The following CSGALNACT1 variants were observed in gnomAD, a reference collection of about 807,000 sequenced individuals.
The protein encoded by CSGALNACT1 is beta4GalNAcT-1.
A neutral mutation model predicts 51.0 loss-of-function variants in CSGALNACT1; 52 were observed. That is an observed-to-expected ratio of 1.02 (90% CI 0.82 to 1.29). The LOEUF is 1.29. Ranked by LOEUF, CSGALNACT1 falls within the 50% of genes most tolerant of loss-of-function variation. The pLI is 0.00. For missense variants in CSGALNACT1, 935 were observed against 679.2 expected (o/e 1.38, Z -4.19); for synonymous variants, 341 against 254.4 (o/e 1.34, Z -3.24).
chr8:19,482,048 T>A (rs2071539305), intron 4 of CSGALNACT1, among the ~76,000 whole-genome samples: 1 of 152,102 alleles, frequency 6.6e-6, no homozygotes, highest in South Asian at 2.1e-4. Context: ...ATCAAATCGC[T>A]CATGACTCCG....
chr8:19,418,236 G>C (rs184784890), intron 8 of CSGALNACT1, among the ~76,000 whole-genome samples: 1 of 152,290 alleles, frequency 6.6e-6, no homozygotes, highest in African/African-American at 2.4e-5. Context: ...TTATTTGCCT[G>C]CAAGGTCCAG....
At chr8:19,638,133 A>T (rs2154174604) in intron 1 of CSGALNACT1, among the ~76,000 whole-genome samples, 1 of 145,076 alleles carries the variant, frequency 6.9e-6, no homozygotes, top group East Asian at 1.9e-4. Flanking sequence ...TAGGAGACTC[A>T]TTTCTAGCTT....
At chr8:19,557,321 T>C (rs1052881241) in intron 3 of CSGALNACT1, among the ~76,000 whole-genome samples, 2 of 152,178 alleles carry the variant, frequency 1.3e-5, no homozygotes, top group East Asian at 3.9e-4. Context: ...TTTTCTATAT[T>C]TGTCTCTCTT....
intron 1 of CSGALNACT1, among the ~76,000 whole-genome samples, chr8:19,745,097 A>G (rs2064568152): frequency 6.6e-6 from 1 of 152,240 alleles, no homozygotes. Context: ...TCTGACCCGA[A>G]GTATTCCATC....
At chr8:19,623,783 AG>A (rs1392435238) in intron 1 of CSGALNACT1, among the ~76,000 whole-genome samples, 11 of 152,360 alleles carry the variant, frequency 7.2e-5, no homozygotes, top group Non-Finnish European at 4.4e-5. Flanking sequence ...ATCCTTTCGG[AG>A]GGGAAATCTC....
intron 6 of CSGALNACT1, among the ~76,000 whole-genome samples, chr8:19,427,408 G>A (rs2058934178): frequency 6.6e-6 from 1 of 152,206 alleles, no homozygotes; most frequent in African/African-American, 2.4e-5. Flanking sequence ...GCTTCAGCGG[G>A]CACCAAACAA....
At chr8:19,501,763 C>G (rs1730527459) in intron 4 of CSGALNACT1, among the ~76,000 whole-genome samples, 1 of 152,212 alleles carries the variant, frequency 6.6e-6, no homozygotes, top group African/African-American at 2.4e-5. Flanking sequence ...ATATGTGCCA[C>G]TTAGATCTCA....
chr8:19,605,648 G>A (rs1051524121), upstream of CSGALNACT1, among the ~76,000 whole-genome samples: 4 of 152,014 alleles, frequency 2.6e-5, no homozygotes, highest in Admixed American at 1.3e-4. Flanking sequence ...GCGTGAGAGC[G>A]GCTGAGAAAC....
chr8:19,753,523 T>C (rs1275318352), intron 1 of CSGALNACT1, among the ~76,000 whole-genome samples: 1 of 152,190 alleles, frequency 6.6e-6, no homozygotes, highest in Non-Finnish European at 1.5e-5. Context: ...TAGTTTTTGT[T>C]GTGGTTTCGT....
chr8:19,619,461 A>C (rs2053537701), intron 1 of CSGALNACT1, among the ~76,000 whole-genome samples: 1 of 152,038 alleles, frequency 6.6e-6, no homozygotes, highest in Admixed American at 6.5e-5. Context: ...ACATAGTTTT[A>C]AATGCTCATT....
rs376334219 is a variant in CSGALNACT1 at position 19,473,624 on chromosome 8, G to C, written c.635-14982C>G. Among the ~76,000 whole-genome samples the C allele has an allele frequency of 1.3e-3, 198 of 152,288 alleles. 1 individual carries two copies. Among genetic ancestry groups the C allele is most frequent in the African/African-American group, 4.6e-3 (190 of 41,548 alleles). Reference sequence around the variant, plus strand: ...TCCTAGTCTTAAAAATTAGACCACAGTATCTGTTCAAAGCCTCAACATCAA... The same window carrying C: ...TCCTAGTCTTAAAAATTAGACCACACTATCTGTTCAAAGCCTCAACATCAA... On this transcript the variant is annotated intron_variant, in intron 4 of 9. Transcript: ENST00000454498.
chr8:19,625,314 T>C (rs2054307913), intron 1 of CSGALNACT1, among the ~76,000 whole-genome samples: 1 of 152,242 alleles, frequency 6.6e-6, no homozygotes, highest in African/African-American at 2.4e-5. Flanking sequence ...CCAAGTTTAA[T>C]GCTACAAACT....
At chr8:19,518,434 CATA>C (rs150880771) in intron 3 of CSGALNACT1, among the ~76,000 whole-genome samples, 2,101 of 152,230 alleles carry the variant, frequency 0.014, 46 homozygotes, top group African/African-American at 0.049. Context: ...AAGCTATTTG[CATA>C]ATAATATTAG....
intron 1 of CSGALNACT1, among the ~76,000 whole-genome samples, chr8:19,628,503 G>A (rs7814953): frequency 3.3e-5 from 5 of 152,186 alleles, no homozygotes; most frequent in South Asian, 2.1e-4. Context: ...GAGCCAAACC[G>A]TATCAACAGT....
intron 1 of CSGALNACT1, among the ~76,000 whole-genome samples, chr8:19,633,774 T>C (rs149232868): frequency 1.6e-4 from 25 of 152,358 alleles, no homozygotes; most frequent in African/African-American, 6.0e-4. Context: ...TAGTGATTTG[T>C]TATAGCAACC....
intron 3 of CSGALNACT1, among the ~76,000 whole-genome samples, chr8:19,590,040 A>C (rs1166661750): frequency 6.6e-6 from 1 of 152,216 alleles, no homozygotes; most frequent in Non-Finnish European, 1.5e-5. Flanking sequence ...TAAATGAAAG[A>C]AAGAATTGTC....
chr8:19,671,770 C>G (rs1423635535), intron 1 of CSGALNACT1, among the ~76,000 whole-genome samples: 1 of 152,138 alleles, frequency 6.6e-6, no homozygotes, highest in African/African-American at 2.4e-5. Flanking sequence ...GGGGAGTCAA[C>G]TTGCTCTAAA....
At chr8:19,705,788 A>G (rs1589614038) in intron 1 of CSGALNACT1, among the ~76,000 whole-genome samples, 1 of 152,176 alleles carries the variant, frequency 6.6e-6, no homozygotes, top group East Asian at 1.9e-4. Flanking sequence ...AAAATTGTAC[A>G]TGACATATTA....
chr8:19,570,696 T>G (rs2042838430), intron 3 of CSGALNACT1, among the ~76,000 whole-genome samples: 1 of 152,110 alleles, frequency 6.6e-6, no homozygotes, highest in South Asian at 2.1e-4. Context: ...GGGTAGGAGT[T>G]CGAGACCAGC....
Sources: allele counts gnomAD v4.1 joint callset (sites outside exome capture counted in the v4.1 genomes callset), GRCh38; gene constraint gnomAD v4.1.1; transcripts MANE v1.5; gene names NCBI Gene and HGNC (gene_info 2026-07-23, HGNC 2026-07-21).